Variants in SLC35F1 observed in about 807,000 individuals in gnomAD.
SLC35F1 encodes chromosome 6 open reading frame 169.
SLC35F1 carries 14 observed loss-of-function variants against 48.7 expected under a neutral mutation model. The observed-to-expected ratio is 0.29, with a 90% CI of 0.19 to 0.45. The LOEUF (loss-of-function observed/expected upper bound fraction) is 0.45. Among genes scored for constraint, SLC35F1 ranks in the 20% least tolerant of loss-of-function variants. SLC35F1 has a pLI of 1.00. For missense variants in SLC35F1, 404 were observed against 500.0 expected, an observed-to-expected ratio of 0.81 and a Z score of 1.83; for synonymous variants, 190 against 202.2, an observed-to-expected ratio of 0.94 and a Z score of 0.51.
intron 7 of SLC35F1, among the ~76,000 whole-genome samples, chr6:118,287,238 G>A (rs1334055463): frequency 1.3e-5 from 2 of 152,122 alleles, no homozygotes; most frequent in East Asian, 3.9e-4. Flanking sequence ...CCAGAGCTCT[G>A]GGGAACACCT....
At chr6:117,948,193 T>C (rs1402959767) in intron 1 of SLC35F1, among the ~76,000 whole-genome samples, 1 of 152,218 alleles carries the variant, frequency 6.6e-6, no homozygotes, top group African/African-American at 2.4e-5. Flanking sequence ...TTAACTGTGT[T>C]AAGTAGCAAG....
At chr6:118,126,824 T>C (rs1203822121) in intron 1 of SLC35F1, among the ~76,000 whole-genome samples, 1 of 151,892 alleles carries the variant, frequency 6.6e-6, no homozygotes, top group African/African-American at 2.4e-5. Context: ...TTTTTGTACA[T>C]TGATTTTGTA....
intron 1 of SLC35F1, among the ~76,000 whole-genome samples, chr6:118,001,917 G>C (rs1163680260): frequency 6.6e-6 from 1 of 150,570 alleles, no homozygotes; most frequent in Non-Finnish European, 1.5e-5. Flanking sequence ...TCTCACACCA[G>C]TTAGAATGGC....
At chr6:118,085,847 T>G (rs1336699466) in intron 1 of SLC35F1, among the ~76,000 whole-genome samples, 1 of 152,140 alleles carries the variant, frequency 6.6e-6, no homozygotes, top group African/African-American at 2.4e-5. Context: ...GGGCCTAAAT[T>G]ATCCTGAAGG....
Position 117,979,283 on chromosome 6 carries a change from G to A in SLC35F1, c.173+71384G>A, listed in dbSNP as rs948705147. Among the ~76,000 whole-genome samples the A allele has an allele frequency of 2.0e-5, 3 of 152,122 alleles. 1 individual carries two copies. In the South Asian group the frequency reaches 6.2e-4, roughly 32 times the overall value. On this transcript the variant is annotated intron_variant, in intron 1 of 7. Coordinates refer to ENST00000360388, the MANE Select transcript of SLC35F1 (RefSeq NM_001029858.4). ...GGTGGAACAGGGCTCAGGTTGGAGAGCTTTTCTTTGTACAGTCCATAATAT... is the reference window on the plus strand; with the variant it reads ...GGTGGAACAGGGCTCAGGTTGGAGAACTTTTCTTTGTACAGTCCATAATAT...
chr6:118,035,763 C>T (rs1051189681), intron 1 of SLC35F1, among the ~76,000 whole-genome samples: 2 of 135,500 alleles, frequency 1.5e-5, no homozygotes, highest in Admixed American at 8.2e-5. Flanking sequence ...GATCTCGGCT[C>T]ACTGCAAGCT....
intron 2 of SLC35F1, among the ~76,000 whole-genome samples, chr6:118,196,171 A>G (rs1314869629): frequency 6.6e-6 from 1 of 151,092 alleles, no homozygotes; most frequent in Non-Finnish European, 1.5e-5. Flanking sequence ...TTATTTGAAC[A>G]CAGTTTGAAC....
chr6:117,922,517 A>T (rs1181490205), intron 1 of SLC35F1, among the ~76,000 whole-genome samples: 1 of 152,232 alleles, frequency 6.6e-6, no homozygotes, highest in African/African-American at 2.4e-5. Context: ...TTTTATTTGT[A>T]TGTATTCATG....
intron 1 of SLC35F1, among the ~76,000 whole-genome samples, chr6:118,077,817 T>C (rs1772844349): frequency 1.3e-5 from 2 of 152,298 alleles, no homozygotes; most frequent in Middle Eastern, 3.4e-3. Flanking sequence ...CCCAAAAAAC[T>C]CTGAAACAGC....
intron 1 of SLC35F1, among the ~76,000 whole-genome samples, chr6:117,935,091 G>T (rs1205319147): frequency 1.3e-5 from 2 of 152,074 alleles, no homozygotes; most frequent in Non-Finnish European, 2.9e-5. Context: ...TGGGCAACAA[G>T]AGCAAAACTC....
chr6:118,031,469 G>A (rs9387543), intron 1 of SLC35F1, among the ~76,000 whole-genome samples: 50,768 of 152,036 alleles, frequency 0.33, 8,654 homozygotes, highest in East Asian at 0.47. Context: ...TTTTGTGGCA[G>A]CTGGTGAGTC....
intron 2 of SLC35F1, among the ~76,000 whole-genome samples, chr6:118,226,292 A>T (rs988705555): frequency 5.9e-5 from 9 of 152,372 alleles, no homozygotes; most frequent in African/African-American, 2.2e-4. Context: ...TACTATGGAA[A>T]ACAGATGGAG....
At chr6:118,156,658 A>G (rs1774147651) in intron 2 of SLC35F1, among the ~76,000 whole-genome samples, 1 of 135,196 alleles carries the variant, frequency 7.4e-6, no homozygotes, top group Admixed American at 8.7e-5. Context: ...CCTAGAACTG[A>G]AAGTATAATA....
chr6:118,080,386 A>G (rs1018942019), intron 1 of SLC35F1, among the ~76,000 whole-genome samples: 3 of 152,046 alleles, frequency 2.0e-5, no homozygotes, highest in Non-Finnish European at 4.4e-5. Context: ...CTGGAGAGAG[A>G]TTTTCAGTGT....
At chr6:117,999,923 C>CCA (rs1777065114) in intron 1 of SLC35F1, among the ~76,000 whole-genome samples, 1 of 151,980 alleles carries the variant, frequency 6.6e-6, no homozygotes, top group East Asian at 1.9e-4. Context: ...TCTGAATAGA[C>CCA]CAATAACAGG....
At chr6:118,255,134 C>A (rs1195711302) in intron 3 of SLC35F1, among the ~76,000 whole-genome samples, 11 of 152,142 alleles carry the variant, frequency 7.2e-5, no homozygotes, top group African/African-American at 2.7e-4. Flanking sequence ...TGTATAGTTT[C>A]TGCTCCACCT....
chr6:118,236,028 C>A (rs756504621), intron 3 of SLC35F1, among the ~76,000 whole-genome samples: 12 of 152,148 alleles, frequency 7.9e-5, no homozygotes, highest in Non-Finnish European at 1.8e-4. Context: ...ATTTTAATCA[C>A]AACTTATAAC....
At chr6:118,069,179 T>G in intron 1 of SLC35F1, among the ~76,000 whole-genome samples, 1 of 152,214 alleles carries the variant, frequency 6.6e-6, no homozygotes, top group East Asian at 1.9e-4. Flanking sequence ...TTGCAGATAT[T>G]AATTAACCAC....
In SLC35F1 at chr6:118,272,737, G is replaced by GTGTGTATATA. The variant is rs201515909; in HGVS notation, c.638-2721_638-2720insGTGTATATAT. On this transcript the variant is annotated intron_variant, in intron 4 of 7. Coordinates refer to ENST00000360388, the MANE Select transcript of SLC35F1 (RefSeq NM_001029858.4). ...TGGATTAAAAAATATATATGTGTGT[G>GTGTGTATATA]TATATATATATACATATATATATAT... Among the ~76,000 whole-genome samples the GTGTGTATATA allele has an allele frequency of 5.1e-3, 608 of 120,224 alleles. 11 individuals carry two copies. Among genetic ancestry groups the GTGTGTATATA allele is most frequent in the African/African-American group, 0.018 (571 of 31,052 alleles). 78.9% of individuals were successfully genotyped at this position (120,224 alleles called of 152,430 possible).
Sources: gnomAD v4.1 joint callset for allele counts (sites outside exome capture counted in the v4.1 genomes callset) on GRCh38, gnomAD v4.1.1 for gene constraint, MANE v1.5 for transcripts, NCBI Gene and HGNC (gene_info 2026-07-23, HGNC 2026-07-21) for gene names.